The following RPP30 variants were observed in gnomAD, a reference collection of about 807,000 sequenced individuals.
RPP30 encodes the protein ribonuclease P/MRP subunit p30.
Under a neutral mutation model 38.6 loss-of-function variants are expected in RPP30, and 36 were observed. That is an observed-to-expected ratio of 0.93 (90% CI 0.71 to 1.23). The LOEUF (loss-of-function observed/expected upper bound fraction) is 1.23, where lower values mean the gene tolerates loss of function less well. Ranked by LOEUF, RPP30 falls within the 50% of genes most tolerant of loss-of-function variation. RPP30 has a pLI of 0.00. For synonymous variants in RPP30, 126 were observed against 112.7 expected (o/e 1.12, Z -0.75); for missense variants, 321 against 321.7 (o/e 1.00, Z 0.02).
At chr10:90,888,227 G>T (rs1393827866) in intron 6 of RPP30, among the ~76,000 whole-genome samples, 1 of 152,176 alleles carries the variant, frequency 6.6e-6, no homozygotes. Context: ...TTTTCTAGAT[G>T]GCTTTGCCTG....
chr10:90,879,097 T>A lies in RPP30; in HGVS notation c.305T>A (p.Val102Asp). 6.2e-7 allele frequency: 1 copy of A among 1,614,058 alleles called. No homozygotes were observed. ...ATSSRARLYD[V>D]VAVFPKTEKL... ...TCTTCAAGGGCCCGGCTCTATGATG[T>A]TGTTGCAGTTTTTCCAAAGACAGAA... Residue 102 changes from valine to aspartate, a missense_variant, in exon 5 of 11, where the codon GTT becomes GAT. By Grantham distance (152) the Val-to-Asp change is radical. Coordinates refer to ENST00000371703, the MANE Select transcript of RPP30 (RefSeq NM_006413.5).
rs544670407 is a variant in RPP30, at chr10:90,899,402, A to G, written c.698-1168A>G. On this transcript the variant is annotated intron_variant, in intron 10 of 10. Coordinates refer to ENST00000371703, the MANE Select transcript of RPP30 (RefSeq NM_006413.5). ...ACACTTTATGGTTGACTTTACGTTT[A>G]TTACTTGAAATAAGGAATAATTCAT... Among the ~76,000 whole-genome samples, 7 of 152,330 alleles carry G rather than the reference A, an allele frequency of 4.6e-5. No individual in the cohort carries two copies. The East Asian group carries it at 9.6e-4, about 21-fold the overall frequency.
chr10:90,889,691 C>T (rs1427117648), intron 6 of RPP30, among the ~76,000 whole-genome samples: 1 of 152,104 alleles, frequency 6.6e-6, no homozygotes, highest in Non-Finnish European at 1.5e-5. Flanking sequence ...GGCCAGATGC[C>T]ATGTGAGAAT....
downstream of RPP30, among the ~76,000 whole-genome samples, chr10:90,903,566 G>A (rs1478939720): frequency 6.6e-6 from 1 of 152,212 alleles, no homozygotes; most frequent in African/African-American, 2.4e-5. Flanking sequence ...AGTTGTGCGT[G>A]CTTTCTATTC....
chr10:90,895,717 C>T (rs958216973), intron 8 of RPP30, 163 bp from the exon 9 acceptor site: 6 of 555,078 alleles, frequency 1.1e-5, no homozygotes, highest in Non-Finnish European at 1.8e-5. Flanking sequence ...TTTCAAGCTT[C>T]TCTTATATTT....
intron 5 of RPP30, chr10:90,879,932 G>C (rs1224102180): frequency 6.6e-6 from 1 of 152,106 alleles, no homozygotes; most frequent in Non-Finnish European, 1.5e-5. Context: ...ATAAAATGAG[G>C]TATAGCTACT....
At chr10:90,872,170 C>A in intron 1 of RPP30, 102 bp downstream of exon 1, 1 of 1,009,840 alleles carries the variant, frequency 9.9e-7, no homozygotes, top group Non-Finnish European at 1.6e-6. Context: ...TCAGGTCTCC[C>A]AGAGTCTCTG....
At chr10:90,875,921 A>G in intron 3 of RPP30, 103 bp from the exon 4 acceptor site, 2 of 690,982 alleles carry the variant, frequency 2.9e-6, no homozygotes, top group South Asian at 1.8e-5. Context: ...GATCTTCACT[A>G]TCCCTTATAG....
chr10:90,875,706 T>C, intron 3 of RPP30, 92 bp downstream of exon 3: 1 of 1,039,580 alleles, frequency 9.6e-7, no homozygotes, highest in Non-Finnish European at 1.5e-6. Context: ...GAGCTGCACC[T>C]TACTCTGAGT....
intron 6 of RPP30, among the ~76,000 whole-genome samples, chr10:90,893,477 A>G (rs79248885): frequency 0.012 from 1,823 of 152,300 alleles, 44 homozygotes; most frequent in African/African-American, 0.042. Context: ...GACTTTTGCA[A>G]TTGAGAGTCT....
chr10:90,895,522 G>A, intron 8 of RPP30, 39 bp downstream of exon 8: 1 of 1,224,150 alleles, frequency 8.2e-7, no homozygotes, highest in East Asian at 2.8e-5. Context: ...CATCTTTCAG[G>A]TTATAAAACT....
Position 90,872,061 on chromosome 10 carries a change from C to G in RPP30, c.75C>G (p.Ala25=). Residue 25 remains alanine (A), a synonymous_variant, in exon 1 of 11, where the codon GCC becomes GCG. Coordinates refer to ENST00000371703, the MANE Select transcript of RPP30 (RefSeq NM_006413.5). ...LKALRGLVET[A]AHLGYSVVAI... is the part of the protein sequence containing the mutation. ...CTCTGCGCGGACTTGTGGAGACAGC[C>G]GCTCACCGTGAGTTGCCCCGGCTTC... 2 of 1,614,022 alleles carry G rather than the reference C, an allele frequency of 1.2e-6. No individual in the cohort carries two copies. The highest frequency in any genetic ancestry group is 1.7e-6 in the Non-Finnish European group (2 of 1,179,920).
At position 90,901,420 on chromosome 10, in the gene RPP30, A is replaced by C; in HGVS notation, c.*741A>C. 1 of 985,162 alleles carries C rather than the reference A, an allele frequency of 1.0e-6. No individual in the cohort carries two copies. Among genetic ancestry groups the C allele is most frequent in the Non-Finnish European group, 1.2e-6 (1 of 829,674 alleles). 61.0% of individuals were successfully genotyped at this position (985,162 alleles called of 1,614,324 possible). ...GTTTTAAGCTTCTTTCATGTATTCA[A>C]ATCAGCATTTTTTTCTAAGAAATTG... On this transcript the variant is annotated 3_prime_UTR_variant, in exon 11 of 11. Coordinates refer to ENST00000371703, the MANE Select transcript of RPP30 (RefSeq NM_006413.5).
At chr10:90,903,785 A>T (rs1484984625), downstream of RPP30, among the ~76,000 whole-genome samples, 1 of 152,230 alleles carries the variant, frequency 6.6e-6, no homozygotes, top group Non-Finnish European at 1.5e-5. Context: ...TTTGATTAAT[A>T]ACCTGTTAAA....
At chr10:90,905,516 T>C (rs1247449546), downstream of RPP30, 3 of 152,260 alleles carry the variant, frequency 2.0e-5, no homozygotes, top group African/African-American at 7.2e-5. Flanking sequence ...TGCCCTGTTC[T>C]GTTTTTTCTC....
chr10:90,875,414 A>G (rs559637230), intron 2 of RPP30, 144 bp from the exon 3 acceptor site: 12 of 635,964 alleles, frequency 1.9e-5, no homozygotes, highest in Non-Finnish European at 3.3e-5. Flanking sequence ...ATAATTTTTA[A>G]AAGTTTTTTT....
At chr10:90,902,333 T>C (rs1214579480), downstream of RPP30, 3 of 387,230 alleles carry the variant, frequency 7.7e-6, no homozygotes, top group Admixed American at 5.8e-5. Context: ...TCCTCCCACC[T>C]CAGCCTCCCA....
rs1240901826 is a variant in RPP30, at chr10:90,875,581, TTC to T, written c.164_165del (p.Ser55Ter). 7.4e-6 allele frequency: 12 copies of T among 1,613,628 alleles called. No individual in the cohort carries two copies. Among genetic ancestry groups the T allele is most frequent in the Non-Finnish European group, 1.0e-5 (12 of 1,179,652 alleles). On this transcript the variant is annotated frameshift_variant, in exon 3 of 11. Coordinates refer to ENST00000371703, the MANE Select transcript of RPP30 (RefSeq NM_006413.5). LOFTEE classifies it high-confidence loss of function. ...AGGAAATTGAAAAACCAGTAGCTGT[TTC>T]TGAACTCTTCACAACTTTGCCAATT... ...KQEIEKPVAV[S>X]ELFTTLPIVQ...
At chr10:90,882,887 G>A (rs920727817) in intron 5 of RPP30, among the ~76,000 whole-genome samples, 5 of 152,210 alleles carry the variant, frequency 3.3e-5, no homozygotes, top group African/African-American at 1.2e-4. Context: ...GAGGACTGTT[G>A]TAGTGTCTTG....
Sources: allele counts gnomAD v4.1 joint callset (sites outside exome capture counted in the v4.1 genomes callset), GRCh38; gene constraint gnomAD v4.1.1; transcripts MANE v1.5; gene names NCBI Gene and HGNC (gene_info 2026-07-23, HGNC 2026-07-21).